The following TNS1 variants were observed in gnomAD, a reference collection of about 807,000 sequenced individuals.
TNS1 encodes the protein tensin-1.
Under a neutral mutation model 168.6 loss-of-function variants are expected in TNS1, and 62 were observed. The observed-to-expected ratio is 0.37, with a 90% CI of 0.30 to 0.45. The LOEUF (loss-of-function observed/expected upper bound fraction) is 0.45. TNS1 is among the 20% of genes least tolerant of loss of function. The pLI is 1.00. For missense variants in TNS1, 2,240 were observed against 2,339.4 expected (o/e 0.96, Z 0.88); for synonymous variants, 934 against 933.2 (o/e 1.00, Z -0.02).
At chr2:217,821,554 C>A (rs896739593) in intron 23 of TNS1, among the ~76,000 whole-genome samples, 186 bp downstream of exon 23, 2 of 152,214 alleles carry the variant, frequency 1.3e-5, no homozygotes, top group African/African-American at 4.8e-5. Context: ...GGGCTCCCCA[C>A]AGGATTCAGC....
At chr2:217,877,519 C>T (rs1010772341) in intron 18 of TNS1, among the ~76,000 whole-genome samples, 7 of 152,198 alleles carry the variant, frequency 4.6e-5, no homozygotes, top group Admixed American at 1.3e-4. Context: ...GGTTTCCTGC[C>T]CCTTTGGCAG....
chr2:217,995,239 C>T lies in TNS1; in HGVS notation c.34-4183G>A, dbSNP rs965723869. Among the ~76,000 whole-genome samples the T allele has an allele frequency of 4.6e-5, 7 of 152,184 alleles. No homozygotes were observed. The highest frequency in any genetic ancestry group is 1.7e-4 in the African/African-American group (7 of 41,446). ...GTTCCGCTGTGAAACAGGGACACTGCGCTGGTCTTGTTGAAACAGCTGTCC... is the reference window on the plus strand; with the variant it reads ...GTTCCGCTGTGAAACAGGGACACTGTGCTGGTCTTGTTGAAACAGCTGTCC... On this transcript the variant is annotated intron_variant, in intron 1 of 32. Transcript: ENST00000682258. This position sits in a 1 kb window ranked among gnomAD's most constrained non-coding sequence, Gnocchi z 4.1.
chr2:217,912,735 G>A (rs1316552262), intron 4 of TNS1, among the ~76,000 whole-genome samples: 3 of 152,248 alleles, frequency 2.0e-5, no homozygotes, highest in South Asian at 2.1e-4. Flanking sequence ...GAGATGGCAC[G>A]TTAGAGGTGC....
In TNS1 at chr2:217,810,162, C is replaced by T. The variant is rs192765313; in HGVS notation, c.5104+86G>A. On this transcript the variant is annotated intron_variant, in intron 29 of 32. Coordinates refer to ENST00000682258, the MANE Select transcript of TNS1 (RefSeq NM_001387777.1). ...CAGAGACATTTGGGCCTGGAGAGAC[C>T]TCCAGCCTGCACGTGCAGGAGGGGT... 60 of 1,523,568 alleles carry T rather than the reference C, an allele frequency of 3.9e-5. No individual in the cohort carries two copies. In the Middle Eastern group the frequency reaches 1.8e-3, roughly 46 times the overall value. 94.4% of individuals were successfully genotyped at this position (1,523,568 alleles called of 1,614,324 possible). A position where few individuals can be genotyped will look rare whatever the true frequency, so the allele number is the denominator to read the frequency against.
At chr2:217,843,151 A>G (rs531547400) in intron 19 of TNS1, among the ~76,000 whole-genome samples, 1 of 152,054 alleles carries the variant, frequency 6.6e-6, no homozygotes, top group African/African-American at 2.4e-5. Flanking sequence ...AAAAAACACA[A>G]GAGTTTTCAC....
At position 217,849,029 on chromosome 2, in the gene TNS1, C is replaced by T. The variant is rs779356706; in HGVS notation, c.1488G>A (p.Lys496=). 1 of 1,613,926 alleles carries T rather than the reference C, an allele frequency of 6.2e-7. No homozygotes were observed. The highest frequency in any genetic ancestry group is 1.1e-5 in the South Asian group (1 of 91,060). The change falls in exon 19 of 33, where the codon AAG becomes AAA. Residue 496 remains lysine, a synonymous_variant. Transcript: ENST00000682258. ...LDGSLYAKVK[K]KDSLHGSTGA... ...CGGTGCTGCCGTGCAGGGAGTCTTT[C>T]TTCTTCACCTTAGCATACAGGCTCC...
intron 1 of TNS1, among the ~76,000 whole-genome samples, chr2:218,030,614 G>C (rs1163728609): frequency 1.3e-5 from 2 of 152,212 alleles, no homozygotes; most frequent in Non-Finnish European, 2.9e-5. Flanking sequence ...GCAGCCTCTG[G>C]GGAAAGCAAA....
intron 1 of TNS1, among the ~76,000 whole-genome samples, chr2:218,023,226 T>C (rs1239798794): frequency 6.6e-6 from 1 of 152,178 alleles, no homozygotes; most frequent in East Asian, 1.9e-4. Flanking sequence ...GAGGAGACAC[T>C]GGAGAGACCA....
chr2:217,975,945 C>G (rs377533981), intron 3 of TNS1, among the ~76,000 whole-genome samples: 1 of 152,166 alleles, frequency 6.6e-6, no homozygotes, highest in Admixed American at 6.5e-5. Context: ...GAAATCCAAT[C>G]GCGTCCCTCC....
intron 1 of TNS1, among the ~76,000 whole-genome samples, chr2:217,991,680 T>C (rs977531618): frequency 6.6e-6 from 1 of 152,134 alleles, no homozygotes; most frequent in African/African-American, 2.4e-5. Context: ...ATTGTGTAGA[T>C]GCAGCAGGTT....
chr2:217,981,742 C>G lies in TNS1; in HGVS notation c.149-2940G>C, dbSNP rs11888266. ...CTCCAGGGAAGCCCTCTTTGCGTGC[C>G]TATCCACCTGTCTCACATATCCTCC... On this transcript the variant is annotated intron_variant, in intron 2 of 32. Coordinates refer to ENST00000682258, the MANE Select transcript of TNS1 (RefSeq NM_001387777.1). Among the ~76,000 whole-genome samples, 436 of 152,338 alleles carry G rather than the reference C, an allele frequency of 2.9e-3. 7 individuals carry two copies. The highest frequency in any genetic ancestry group is 9.9e-3 in the African/African-American group (411 of 41,582).
At chr2:217,980,071 G>A (rs996323437) in intron 2 of TNS1, among the ~76,000 whole-genome samples, 1 of 152,174 alleles carries the variant, frequency 6.6e-6, no homozygotes, top group Non-Finnish European at 1.5e-5. Context: ...GGAAGGGGGA[G>A]AAGCTGGGAA....
chr2:217,848,765 G>T lies in TNS1; in HGVS notation c.1752C>A (p.His584Gln). ...CTGGGCGGGACCTGAGGTGCTGGGT[G>T]TGGTACATGGCGCCTTGCTTCTCTC... is the stretch of plus-strand genomic sequence containing the variant. ...LEREKQGAMY[H>Q]TQHLRSRPAG... is the part of the protein sequence containing the mutation. Residue 584 changes from histidine to glutamine, a missense_variant, in exon 19 of 33, where the codon CAC becomes CAA. His to Gln is a conservative substitution (Grantham distance 24, BLOSUM62 0). This residue lies in a region of TNS1 where 2,131 missense variants were observed against 2,171.2 expected (regional missense o/e 0.98). Transcript: ENST00000682258. 1 of 1,614,222 alleles carries T rather than the reference G, an allele frequency of 6.2e-7. No homozygotes were observed. Among genetic ancestry groups the T allele is most frequent in the Non-Finnish European group, 8.5e-7 (1 of 1,180,034 alleles).
rs1355726061 is a variant in TNS1, at chr2:217,880,385, A to G, written c.1429+513T>C. Among the ~76,000 whole-genome samples, 3 of 152,148 alleles carry G rather than the reference A, an allele frequency of 2.0e-5. No individual in the cohort carries two copies. The East Asian group carries it at 5.8e-4, about 29-fold the overall frequency. On this transcript the variant is annotated intron_variant, in intron 18 of 32. Transcript: ENST00000682258. This position sits in a 1 kb window ranked among gnomAD's most constrained non-coding sequence, Gnocchi z 4.2. ...CAAACATTTTTGTTGGCTGTTGATG[A>G]AAGCTTGTAGGCCCTAGATCCTGTG...
chr2:217,865,155 T>G (rs1949160015), intron 18 of TNS1, among the ~76,000 whole-genome samples: 1 of 152,154 alleles, frequency 6.6e-6, no homozygotes, highest in African/African-American at 2.4e-5. Flanking sequence ...GGGGTCCCTG[T>G]GGCTCCATGC....
intron 23 of TNS1, among the ~76,000 whole-genome samples, chr2:217,821,492 GCA>G (rs947166431): frequency 5.9e-5 from 9 of 152,320 alleles, no homozygotes; most frequent in African/African-American, 2.2e-4. Context: ...ACTCCTTCCA[GCA>G]CAGTTTTGGA....
intron 1 of TNS1, among the ~76,000 whole-genome samples, chr2:218,031,476 AGTGTGTGTT>A (rs1234801621): frequency 7.1e-6 from 1 of 141,068 alleles, no homozygotes; most frequent in Non-Finnish European, 1.5e-5. Flanking sequence ...TGAGTGTATG[AGTGTGTGTT>A]GTGTGTGAGC....
intron 24 of TNS1, among the ~76,000 whole-genome samples, chr2:217,816,735 G>T (rs1056245897): frequency 6.6e-6 from 1 of 152,190 alleles, no homozygotes; most frequent in African/African-American, 2.4e-5. Flanking sequence ...AAGGAGAGGG[G>T]CTGGGAACCA....
rs1015336588 is a variant in TNS1, at chr2:217,988,019, TC to T, written c.148+2922del. On this transcript the variant is annotated intron_variant, in intron 2 of 32. Transcript: ENST00000682258. Reference sequence around the variant, plus strand: ...CTCCTCCCAGGCCTGGAGATCCCAGTCCCTTTGCTGAGGCTGCACACATGAC... The same window carrying T: ...CTCCTCCCAGGCCTGGAGATCCCAGTCCTTTGCTGAGGCTGCACACATGAC... 1.2e-4 allele frequency among the ~76,000 whole-genome samples: 19 copies of T among 152,226 alleles called. 1 individual carries two copies. Among genetic ancestry groups the T allele is most frequent in the South Asian group, 6.2e-4 (3 of 4,804 alleles).
Sources: gnomAD v4.1 joint callset for allele counts (sites outside exome capture counted in the v4.1 genomes callset) on GRCh38, gnomAD v4.1.1 for gene constraint, gnomAD v4.1.1 regional missense constraint, Gnocchi (gnomAD v3.1) non-coding constraint, MANE v1.5 for transcripts, NCBI Gene and HGNC (gene_info 2026-07-23, HGNC 2026-07-21) for gene names.